The following POU2AF1 variants were observed in gnomAD, a reference collection of about 807,000 sequenced individuals.
POU2AF1 encodes POU class 2 homeobox associating factor 1.
A neutral mutation model predicts 26.3 loss-of-function variants in POU2AF1; 12 were observed. The ratio of observed to expected loss-of-function variants is 0.46; its 90% CI spans 0.29 to 0.74. POU2AF1 has a LOEUF of 0.74. POU2AF1 is among the 30% of genes least tolerant of loss of function. The pLI, the probability that POU2AF1 is intolerant of heterozygous loss-of-function variation, is 0.09. For synonymous variants in POU2AF1, 175 were observed against 148.0 expected, an observed-to-expected ratio of 1.18 and a Z score of -1.32; for missense variants, 297 against 334.5, an observed-to-expected ratio of 0.89 and a Z score of 0.87.
At chr11:111,357,387 G>A in intron 4 of POU2AF1, 58 bp downstream of exon 4, 4 of 1,602,162 alleles carry the variant, frequency 2.5e-6, no homozygotes, top group Non-Finnish European at 2.6e-6. Context: ...AGTCAGCTCT[G>A]GTTATAAAAG....
chr11:111,368,240 C>G (rs185290837), intron 1 of POU2AF1, among the ~76,000 whole-genome samples: 6 of 152,274 alleles, frequency 3.9e-5, no homozygotes, highest in Non-Finnish European at 8.8e-5. Flanking sequence ...AACTGGGGCC[C>G]CAAGTCTGTA....
intron 2 of POU2AF1, 77 bp downstream of exon 2, chr11:111,358,709 TAC>T: frequency 1.4e-6 from 2 of 1,464,078 alleles, no homozygotes; most frequent in Non-Finnish European, 1.8e-6. Context: ...CACACACACA[TAC>T]ACTCTCACAC....
intron 1 of POU2AF1, among the ~76,000 whole-genome samples, chr11:111,372,032 A>G (rs1861219323): frequency 2.0e-5 from 1 of 48,964 alleles, no homozygotes; most frequent in Admixed American, 2.0e-4. Context: ...ACACAAATAC[A>G]CACACACACA....
At chr11:111,358,350 A>T (rs35370519) in intron 2 of POU2AF1, among the ~76,000 whole-genome samples, 1,934 of 31,928 alleles carry the variant, frequency 0.061, 52 homozygotes, top group African/African-American at 0.097. Context: ...ACACTCTCAC[A>T]CTCACACTCT....
At chr11:111,379,013 CCCTCCCTGCTCCGGGGCTTGGAA>C in intron 1 of POU2AF1, 126 bp downstream of exon 1, 3 of 760,424 alleles carry the variant, frequency 3.9e-6, no homozygotes, top group Non-Finnish European at 4.2e-6. Context: ...CCCACCTCCC[CCCTCCCTGCTCCGGGGCTTGGAA>C]CCCAGACCCC....
rs891940319 is a variant in POU2AF1, at chr11:111,353,752, G to T, written c.*509C>A. The stretch of plus-strand genomic sequence containing the variant: ...ACTGGAGGAAGGAGGCCTTTTCCAA[G>T]AAATGAAATGTGACAGAAATGAAAG... On this transcript the variant is annotated 3_prime_UTR_variant, in exon 5 of 5. Coordinates refer to ENST00000393067, the MANE Select transcript of POU2AF1 (RefSeq NM_006235.3). The T allele has an allele frequency of 4.0e-6, 1 of 249,402 alleles. No homozygotes were observed. Among genetic ancestry groups the T allele is most frequent in the African/African-American group, 2.2e-5 (1 of 45,410 alleles). 15.4% of individuals were successfully genotyped at this position (249,402 alleles called of 1,614,324 possible).
intron 1 of POU2AF1, among the ~76,000 whole-genome samples, chr11:111,366,341 C>G (rs1057096662): frequency 6.6e-6 from 1 of 152,176 alleles, no homozygotes; most frequent in Non-Finnish European, 1.5e-5. Flanking sequence ...GAGAAAAAGA[C>G]AGCAGGGGGA....
intron 1 of POU2AF1, among the ~76,000 whole-genome samples, chr11:111,369,550 A>G (rs926864441): frequency 2.9e-4 from 44 of 152,218 alleles, no homozygotes; most frequent in Admixed American, 6.5e-4. Flanking sequence ...AAATGTGGCA[A>G]TGGGCAAGGG....
chr11:111,375,782 A>G (rs1394315637), intron 1 of POU2AF1, among the ~76,000 whole-genome samples: 1 of 152,234 alleles, frequency 6.6e-6, no homozygotes, highest in Non-Finnish European at 1.5e-5. Context: ...TTTTTCTATT[A>G]TAAGCCAGAG....
chr11:111,363,393 T>A, intron 1 of POU2AF1: 1 of 1,017,576 alleles, frequency 9.8e-7, no homozygotes, highest in Non-Finnish European at 1.2e-6. Flanking sequence ...GGCCAAGTGT[T>A]TTTGCAAGTT....
intron 1 of POU2AF1, among the ~76,000 whole-genome samples, chr11:111,370,671 A>T (rs2135133956): frequency 6.6e-6 from 1 of 152,298 alleles, no homozygotes; most frequent in Admixed American, 6.5e-5. Context: ...TGGTTTGAAT[A>T]AGGGAGTTTG....
intron 2 of POU2AF1, among the ~76,000 whole-genome samples, 168 bp downstream of exon 2, chr11:111,358,612 TGACGCAGA>T (rs1364486310): frequency 3.4e-5 from 3 of 87,684 alleles, no homozygotes; most frequent in Non-Finnish European, 5.8e-5. Flanking sequence ...TCTCACACAC[TGACGCAGA>T]TACACATTCT....
intron 1 of POU2AF1, among the ~76,000 whole-genome samples, chr11:111,367,842 AT>A (rs1205793782): frequency 6.6e-6 from 1 of 152,168 alleles, no homozygotes; most frequent in Non-Finnish European, 1.5e-5. Context: ...GCAAGGTTTT[AT>A]TTTTGGTATT....
Position 111,354,343 on chromosome 11 carries a change from A to G in POU2AF1, c.689T>C (p.Leu230Ser). The G allele has an allele frequency of 6.2e-7, 1 of 1,614,252 alleles. No individual in the cohort carries two copies. Among genetic ancestry groups the G allele is most frequent in the Non-Finnish European group, 8.5e-7 (1 of 1,180,042 alleles). ...CTCCAAAAGCAGCTTGTCGATGGTC[A>G]ACGAGCTGGCGGCTCTTCTGGGGTC... ...MEDPRRAASS[L>S]TIDKLLLEEE... The change falls in exon 5 of 5, where the codon TTG becomes TCG. Residue 230 changes from leucine to serine, a missense_variant. Transcript: ENST00000393067.
At chr11:111,363,227 G>A in intron 1 of POU2AF1, 1 of 1,018,504 alleles carries the variant, frequency 9.8e-7, no homozygotes. Context: ...CGGGTCTCCT[G>A]ACTGCCCGGC....
rs752075913 is a variant in POU2AF1 at position 111,358,768 on chromosome 11, TCACA to T, written c.147+16_147+19del. 4 of 1,559,836 alleles carry T rather than the reference TCACA, an allele frequency of 2.6e-6. No homozygotes were observed. The highest frequency in any genetic ancestry group is 2.4e-5 in the East Asian group (1 of 41,144). Reference sequence around the variant, plus strand: ...CTTTCACACACACACACTCACACTCTCACACACACAAACTCTCACCGCCGTAGGT... The same window carrying T: ...CTTTCACACACACACACTCACACTCTCACACAAACTCTCACCGCCGTAGGT... On this transcript the variant is annotated intron_variant, in intron 2 of 4. Coordinates refer to ENST00000393067, the MANE Select transcript of POU2AF1 (RefSeq NM_006235.3).
chr11:111,357,329 T>G, intron 4 of POU2AF1, 116 bp downstream of exon 4: 1 of 1,458,060 alleles, frequency 6.9e-7, no homozygotes, highest in Non-Finnish European at 9.5e-7. Flanking sequence ...CGAGCTCTGA[T>G]GACCTGATTA....
intron 1 of POU2AF1, among the ~76,000 whole-genome samples, chr11:111,374,481 G>A (rs570596775): frequency 1.3e-5 from 2 of 152,310 alleles, no homozygotes; most frequent in East Asian, 1.9e-4. Context: ...TGGATCACTC[G>A]AGGTCAGGAG....
intron 2 of POU2AF1, 66 bp from the exon 3 acceptor site, chr11:111,357,903 C>A (rs1860883498): frequency 1.4e-6 from 2 of 1,481,468 alleles, no homozygotes; most frequent in South Asian, 1.3e-5. Flanking sequence ...GTGCAGAGAA[C>A]TTGCCCAGAG....
Sources: gnomAD v4.1 joint callset for allele counts (sites outside exome capture counted in the v4.1 genomes callset) on GRCh38, gnomAD v4.1.1 for gene constraint, MANE v1.5 for transcripts, NCBI Gene and HGNC (gene_info 2026-07-23, HGNC 2026-07-21) for gene names.